Variants in MAPRE2 observed in about 807,000 individuals in gnomAD.
The protein encoded by MAPRE2 is microtubule associated protein RP/EB family member 2.
MAPRE2 carries 13 observed loss-of-function variants against 43.2 expected under a neutral mutation model. That is an observed-to-expected ratio of 0.30 (90% CI 0.20 to 0.48). The LOEUF (loss-of-function observed/expected upper bound fraction) is 0.48, where lower values mean the gene tolerates loss of function less well. Among genes scored for constraint, MAPRE2 ranks in the 20% least tolerant of loss-of-function variants. The pLI, the probability that MAPRE2 is intolerant of heterozygous loss-of-function variation, is 0.99. For synonymous variants in MAPRE2, 135 were observed against 148.8 expected (o/e 0.91, Z 0.68); for missense variants, 161 against 400.2 (o/e 0.40, Z 5.10).
chr18:35,090,173 G>GT (rs1270745992), intron 2 of MAPRE2, among the ~76,000 whole-genome samples: 40 of 150,912 alleles, frequency 2.7e-4, no homozygotes, highest in East Asian at 1.9e-3. Context: ...AGTAAGAAGG[G>GT]TTTTTTTTTG....
chr18:35,009,690 C>T (rs536956173), intron 2 of MAPRE2, among the ~76,000 whole-genome samples: 3 of 152,334 alleles, frequency 2.0e-5, no homozygotes, highest in African/African-American at 7.2e-5. Context: ...GAGGATAGGC[C>T]TGGGATCGGT....
chr18:35,021,292 C>T (rs537034938), intron 2 of MAPRE2, among the ~76,000 whole-genome samples: 1 of 152,240 alleles, frequency 6.6e-6, no homozygotes. Flanking sequence ...AGTCTAAATA[C>T]AGTTTTGCTC....
intron 1 of MAPRE2, chr18:34,984,278 ACTT>A (rs1440968518): frequency 6.6e-6 from 1 of 152,134 alleles, no homozygotes; most frequent in Non-Finnish European, 1.5e-5. Context: ...AGCTAAAAGA[ACTT>A]CTTCCTTTTG....
In MAPRE2 at chr18:35,143,002, T is replaced by G. The variant is rs536394420; in HGVS notation, c.*2633T>G. The G allele has an allele frequency of 6.7e-6, 1 of 149,934 alleles. No individual in the cohort carries two copies. Among genetic ancestry groups the G allele is most frequent in the African/African-American group, 2.5e-5 (1 of 40,730 alleles). 9.3% of individuals were successfully genotyped at this position (149,934 alleles called of 1,614,324 possible). A position where few individuals can be genotyped will look rare whatever the true frequency, so the allele number is the denominator to read the frequency against. ...CTGGTTATAGCACTTCCACTGCTAC[T>G]GTCAGATAGGAAGTGATCGAAGCAG... On this transcript the variant is annotated 3_prime_UTR_variant, in exon 7 of 7. Coordinates refer to ENST00000300249, the MANE Select transcript of MAPRE2 (RefSeq NM_014268.4).
chr18:35,095,677 A>G (rs1908384511), intron 2 of MAPRE2, among the ~76,000 whole-genome samples: 1 of 152,276 alleles, frequency 6.6e-6, no homozygotes, highest in Admixed American at 6.5e-5. Context: ...AAGACCAGGT[A>G]ATGAGGCAGT....
intron 2 of MAPRE2, among the ~76,000 whole-genome samples, chr18:35,013,642 C>T (rs2097036242): frequency 6.6e-6 from 1 of 152,090 alleles, no homozygotes; most frequent in South Asian, 2.1e-4. Context: ...ATTTTGTATC[C>T]TTTAACAAAT....
chr18:35,045,047 A>G (rs1905553450), intron 1 of MAPRE2, among the ~76,000 whole-genome samples: 1 of 152,218 alleles, frequency 6.6e-6, no homozygotes, highest in African/African-American at 2.4e-5. Flanking sequence ...GAAAAGAGTA[A>G]GTACAAAAAT....
At chr18:35,055,162 C>T (rs200962288) in intron 1 of MAPRE2, among the ~76,000 whole-genome samples, 112 of 152,246 alleles carry the variant, frequency 7.4e-4, no homozygotes, top group African/African-American at 2.0e-3. Context: ...TACCACAAAC[C>T]GGGCGGCTTC....
At chr18:35,099,478 A>G (rs938463242) in intron 3 of MAPRE2, among the ~76,000 whole-genome samples, 15 of 152,074 alleles carry the variant, frequency 9.9e-5, no homozygotes, top group Non-Finnish European at 1.9e-4. Context: ...TGCCAGGTGC[A>G]GTGGCACATA....
chr18:35,032,194 G>C (rs752787957), intron 2 of MAPRE2, among the ~76,000 whole-genome samples: 1 of 152,162 alleles, frequency 6.6e-6, no homozygotes, highest in Non-Finnish European at 1.5e-5. Flanking sequence ...CTTGTCCTGA[G>C]CCAGCAGAGG....
At chr18:34,977,789 A>G (rs1214136811) in intron 1 of MAPRE2, among the ~76,000 whole-genome samples, 1 of 152,208 alleles carries the variant, frequency 6.6e-6, no homozygotes, top group Non-Finnish European at 1.5e-5. Flanking sequence ...CTACTCAGCG[A>G]CTTCGCACTC....
chr18:35,083,528 A>G (rs949867936), intron 2 of MAPRE2, among the ~76,000 whole-genome samples: 13 of 152,210 alleles, frequency 8.5e-5, no homozygotes, highest in African/African-American at 3.1e-4. Context: ...CAGTTTCAGT[A>G]TCAGCCTCCC....
chr18:35,100,931 C>T (rs1426001676), intron 3 of MAPRE2, among the ~76,000 whole-genome samples: 2 of 152,064 alleles, frequency 1.3e-5, no homozygotes, highest in African/African-American at 4.8e-5. Flanking sequence ...CCCAGCTACT[C>T]GGGAGGCTGA....
chr18:35,022,021 AG>A (rs1329625357), intron 2 of MAPRE2, among the ~76,000 whole-genome samples: 3 of 152,182 alleles, frequency 2.0e-5, no homozygotes, highest in African/African-American at 7.2e-5. Context: ...CTGAAGCCTC[AG>A]AAGCAGTGGA....
chr18:35,019,055 T>A (rs2097040328), intron 2 of MAPRE2, among the ~76,000 whole-genome samples: 5 of 151,342 alleles, frequency 3.3e-5, no homozygotes. Flanking sequence ...TTTTTAGAAT[T>A]TTTTTTTATT....
intron 4 of MAPRE2, among the ~76,000 whole-genome samples, chr18:35,124,598 A>C (rs1475219195): frequency 6.6e-6 from 1 of 152,228 alleles, no homozygotes; most frequent in Non-Finnish European, 1.5e-5. Context: ...CCTCCAGTGC[A>C]TGGCCCATGG....
chr18:35,095,386 A>G (rs865982714), intron 2 of MAPRE2, among the ~76,000 whole-genome samples: 8 of 144,604 alleles, frequency 5.5e-5, no homozygotes, highest in African/African-American at 2.0e-4. Flanking sequence ...ACACACACAC[A>G]CACACACACA....
intron 4 of MAPRE2, among the ~76,000 whole-genome samples, chr18:35,112,503 A>C (rs1390501174): frequency 6.6e-6 from 1 of 152,028 alleles, no homozygotes; most frequent in Non-Finnish European, 1.5e-5. Flanking sequence ...CCCCTACCCC[A>C]TATTAGCATG....
intron 1 of MAPRE2, among the ~76,000 whole-genome samples, chr18:35,055,621 A>C (rs1241993690): frequency 6.6e-6 from 1 of 150,770 alleles, no homozygotes; most frequent in Non-Finnish European, 1.5e-5. Flanking sequence ...GTATGTGTGA[A>C]ACACATACAC....
Sources: allele counts gnomAD v4.1 joint callset (sites outside exome capture counted in the v4.1 genomes callset), GRCh38; gene constraint gnomAD v4.1.1; transcripts MANE v1.5; gene names NCBI Gene and HGNC (gene_info 2026-07-23, HGNC 2026-07-21).